COX7B2: variants seen among roughly 807,000 people sequenced by gnomAD.
COX7B2 encodes the protein cytochrome c oxidase subunit 7B2, mitochondrial.
For missense variants in COX7B2, 109 were observed against 95.9 expected, an observed-to-expected ratio of 1.14 and a Z score of -0.57; for synonymous variants, 37 against 32.1, an observed-to-expected ratio of 1.15 and a Z score of -0.51.
chr4:46,848,102 C>T (rs939532079), intron 1 of COX7B2, among the ~76,000 whole-genome samples: 2 of 151,990 alleles, frequency 1.3e-5, no homozygotes, highest in African/African-American at 4.8e-5. Flanking sequence ...GTAACCTAGC[C>T]AAGCTGTTCA....
chr4:46,827,085 A>G (rs189617854), intron 2 of COX7B2, among the ~76,000 whole-genome samples: 161 of 152,258 alleles, frequency 1.1e-3, no homozygotes, highest in African/African-American at 3.7e-3. Context: ...AAAAACAATA[A>G]AGGTTCAGAG....
chr4:46,895,657 A>G (rs1476961677), intron 1 of COX7B2, among the ~76,000 whole-genome samples: 1 of 152,160 alleles, frequency 6.6e-6, no homozygotes, highest in East Asian at 1.9e-4. Context: ...AGTTTTTTTA[A>G]GTATTAGGAA....
intron 2 of COX7B2, among the ~76,000 whole-genome samples, chr4:46,747,751 T>C (rs1054005489): frequency 6.6e-6 from 1 of 152,194 alleles, no homozygotes; most frequent in Non-Finnish European, 1.5e-5. Flanking sequence ...ACAGCATATA[T>C]AATATTGATA....
At chr4:46,780,110 A>G (rs560338451) in intron 2 of COX7B2, among the ~76,000 whole-genome samples, 1 of 152,304 alleles carries the variant, frequency 6.6e-6, no homozygotes, top group South Asian at 2.1e-4. Context: ...TTTAAAAAGA[A>G]TTTAATAAGC....
chr4:46,884,914 T>C (rs1718982535), intron 1 of COX7B2, among the ~76,000 whole-genome samples: 1 of 152,022 alleles, frequency 6.6e-6, no homozygotes, highest in Non-Finnish European at 1.5e-5. Flanking sequence ...AGCATTTTTA[T>C]TGGGGACTGT....
At chr4:46,770,083 C>A (rs1304340753) in intron 2 of COX7B2, among the ~76,000 whole-genome samples, 1 of 152,108 alleles carries the variant, frequency 6.6e-6, no homozygotes, top group Admixed American at 6.6e-5. Context: ...ATGACATGAT[C>A]TTACACAAAG....
intron 2 of COX7B2, among the ~76,000 whole-genome samples, chr4:46,778,481 T>G (rs1717276131): frequency 6.6e-6 from 1 of 152,158 alleles, no homozygotes; most frequent in South Asian, 2.1e-4. Flanking sequence ...CATTATTTTT[T>G]ATGACCAGTC....
intron 1 of COX7B2, among the ~76,000 whole-genome samples, chr4:46,860,200 A>G (rs367689331): frequency 6.6e-6 from 1 of 152,214 alleles, no homozygotes; most frequent in East Asian, 1.9e-4. Flanking sequence ...GACTGATGAT[A>G]CAGTCGAGAG....
At chr4:46,900,762 A>G (rs1326997660) in intron 1 of COX7B2, among the ~76,000 whole-genome samples, 1 of 152,154 alleles carries the variant, frequency 6.6e-6, no homozygotes, top group Non-Finnish European at 1.5e-5. Context: ...GTGAGAATAC[A>G]GCAAGAAGAT....
At chr4:46,746,847 G>C (rs1213948989) in intron 2 of COX7B2, among the ~76,000 whole-genome samples, 1 of 152,158 alleles carries the variant, frequency 6.6e-6, no homozygotes, top group Non-Finnish European at 1.5e-5. Context: ...ACTTAAACTT[G>C]ATTAAACTGA....
intron 2 of COX7B2, among the ~76,000 whole-genome samples, chr4:46,744,878 C>A (rs532290627): frequency 6.6e-6 from 1 of 151,388 alleles, no homozygotes; most frequent in African/African-American, 2.4e-5. Context: ...TACAGGCGCA[C>A]GCTGGCACGC....
chr4:46,882,478 G>A (rs954145268), intron 1 of COX7B2, among the ~76,000 whole-genome samples: 11 of 152,150 alleles, frequency 7.2e-5, no homozygotes, highest in Non-Finnish European at 1.2e-4. Flanking sequence ...GGGTGCTCTT[G>A]CATCGCATGC....
chr4:46,831,042 G>A (rs904935424), intron 2 of COX7B2, among the ~76,000 whole-genome samples: 1 of 152,184 alleles, frequency 6.6e-6, no homozygotes, highest in African/African-American at 2.4e-5. Flanking sequence ...GGTGTGGAGG[G>A]AAAGGCATGG....
At chr4:46,750,193 TCTAC>T (rs1715266881) in intron 2 of COX7B2, among the ~76,000 whole-genome samples, 1 of 58,542 alleles carries the variant, frequency 1.7e-5, no homozygotes, top group Non-Finnish European at 3.8e-5. Flanking sequence ...AGATCCCATC[TCTAC>T]ACACACACAC....
Position 46,735,158 on chromosome 4 carries a change from C to T in COX7B2, c.35G>A (p.Ser12Asn). 1 of 1,613,392 alleles carries T rather than the reference C, an allele frequency of 6.2e-7. No individual in the cohort carries two copies. Among genetic ancestry groups the T allele is most frequent in the Non-Finnish European group, 8.5e-7 (1 of 1,179,792 alleles). Residue 12 changes from serine to asparagine, a missense_variant, in exon 3 of 3, where the codon AGT becomes AAT. Coordinates refer to ENST00000355591, the MANE Select transcript of COX7B2 (RefSeq NM_130902.3). ...TTGCAGAATGCTTTGAATCTTGAGA[C>T]TGCTTAGTGCATTTCTGGCCAAGGG... Reference protein sequence around the residue: ...MFPLARNALSSLKIQSILQSM... With the variant: ...MFPLARNALSNLKIQSILQSM...
At chr4:46,776,393 A>AGTGT (rs34113475) in intron 2 of COX7B2, among the ~76,000 whole-genome samples, 521 of 146,626 alleles carry the variant, frequency 3.6e-3, no homozygotes, top group African/African-American at 0.011. Context: ...GTAGTTTCAG[A>AGTGT]GTGTGTGTGT....
At chr4:46,791,384 T>C (rs750557566) in intron 2 of COX7B2, among the ~76,000 whole-genome samples, 1 of 152,192 alleles carries the variant, frequency 6.6e-6, no homozygotes, top group Non-Finnish European at 1.5e-5. Flanking sequence ...TGTAAACAAA[T>C]ATTATTTTGA....
intron 1 of COX7B2, among the ~76,000 whole-genome samples, chr4:46,856,105 A>T (rs1560422180): frequency 6.6e-6 from 1 of 151,972 alleles, no homozygotes; most frequent in Non-Finnish European, 1.5e-5. Context: ...TTAGCCGGTC[A>T]TGGTGGTGCA....
intron 2 of COX7B2, among the ~76,000 whole-genome samples, chr4:46,787,377 G>A (rs2109572849): frequency 6.6e-6 from 1 of 152,054 alleles, no homozygotes; most frequent in South Asian, 2.1e-4. Flanking sequence ...AACCCGGGAG[G>A]CAGAAGTTGC....
Sources: allele counts gnomAD v4.1 joint callset (sites outside exome capture counted in the v4.1 genomes callset), GRCh38; gene constraint gnomAD v4.1.1; transcripts MANE v1.5; gene names NCBI Gene and HGNC (gene_info 2026-07-23, HGNC 2026-07-21).